Variants in ARL15 observed in about 807,000 individuals in gnomAD.
The protein encoded by ARL15 is ARF like GTPase 15, also known as ADP-ribosylation factor-like protein 15.
Under a neutral mutation model 25.2 loss-of-function variants are expected in ARL15, and 19 were observed. The ratio of observed to expected loss-of-function variants is 0.75; its 90% CI spans 0.53 to 1.10. The LOEUF is 1.10. Ranked by LOEUF, ARL15 falls within the 50% of genes least tolerant of loss-of-function variation. ARL15 has a pLI of 0.00. For synonymous variants in ARL15, 94 were observed against 86.8 expected (o/e 1.08, Z -0.46); for missense variants, 220 against 246.0 (o/e 0.89, Z 0.71).
chr5:54,075,617 G>C (rs1367477175), intron 4 of ARL15: 1 of 152,146 alleles, frequency 6.6e-6, no homozygotes, highest in Admixed American at 6.6e-5. Context: ...CTTCTGAGTA[G>C]CTGGGACCAC....
At chr5:54,165,728 A>T (rs1189799947) in intron 2 of ARL15, among the ~76,000 whole-genome samples, 2 of 138,916 alleles carry the variant, frequency 1.4e-5, no homozygotes, top group Non-Finnish European at 3.1e-5. Flanking sequence ...ATATAAATAT[A>T]TACCTTTGTT....
intron 1 of ARL15, among the ~76,000 whole-genome samples, chr5:54,201,135 A>G (rs1174994510): frequency 6.6e-6 from 1 of 152,024 alleles, no homozygotes; most frequent in Non-Finnish European, 1.5e-5. Context: ...CTTACCAGAG[A>G]GAAGACCAGA....
At chr5:54,229,002 G>A (rs1035063494) in intron 1 of ARL15, among the ~76,000 whole-genome samples, 2 of 152,106 alleles carry the variant, frequency 1.3e-5, no homozygotes, top group African/African-American at 2.4e-5. Context: ...TTTCTGGGGG[G>A]CATCTGGGAC....
At chr5:54,090,328 T>C (rs1440067027) in intron 4 of ARL15, among the ~76,000 whole-genome samples, 4 of 152,056 alleles carry the variant, frequency 2.6e-5, no homozygotes, top group Non-Finnish European at 4.4e-5. Context: ...GAAGAATGCA[T>C]TTAGCATGAT....
At chr5:54,218,776 CA>C (rs1756290778) in intron 1 of ARL15, among the ~76,000 whole-genome samples, 1 of 152,148 alleles carries the variant, frequency 6.6e-6, no homozygotes, top group African/African-American at 2.4e-5. Flanking sequence ...ATGCTTTACA[CA>C]AGTTCTATCA....
intron 4 of ARL15, among the ~76,000 whole-genome samples, chr5:53,947,597 A>T (rs781254795): frequency 1.7e-4 from 26 of 152,204 alleles, no homozygotes; most frequent in Admixed American, 1.3e-4. Flanking sequence ...CTGGGATTGT[A>T]GGATCCCAGC....
chr5:54,167,303 C>T (rs1337183471), intron 2 of ARL15, among the ~76,000 whole-genome samples: 1 of 152,128 alleles, frequency 6.6e-6, no homozygotes, highest in African/African-American at 2.4e-5. Context: ...ATTCTATGAA[C>T]ATTAGCCATC....
At chr5:54,069,617 A>G (rs1405279103) in intron 4 of ARL15, among the ~76,000 whole-genome samples, 1 of 151,162 alleles carries the variant, frequency 6.6e-6, no homozygotes, top group African/African-American at 2.4e-5. Flanking sequence ...TCCCAAATAT[A>G]ACAGCATTAA....
At chr5:53,890,794 A>G (rs945565453) in intron 4 of ARL15, among the ~76,000 whole-genome samples, 2 of 152,218 alleles carry the variant, frequency 1.3e-5, no homozygotes, top group African/African-American at 4.8e-5. Flanking sequence ...TAAAGTCCCA[A>G]TATAACAGAG....
intron 1 of ARL15, among the ~76,000 whole-genome samples, chr5:54,239,085 C>T (rs1179700440): frequency 2.6e-5 from 4 of 152,144 alleles, no homozygotes; most frequent in Admixed American, 6.5e-5. Flanking sequence ...TGTTTGACTC[C>T]ATCCCTCTAG....
chr5:53,886,427 A>G lies in ARL15; in HGVS notation c.*134T>C. The stretch of plus-strand genomic sequence containing the variant: ...CTACAGAATATTCACTTTAATAGAG[A>G]GATGAGAGTCTGAAATGACCAGAGG... On this transcript the variant is annotated 3_prime_UTR_variant, in exon 5 of 5. Transcript: ENST00000504924. 1.1e-6 allele frequency: 1 copy of G among 900,476 alleles called. No individual in the cohort carries two copies. Among genetic ancestry groups the G allele is most frequent in the Non-Finnish European group, 1.6e-6 (1 of 612,076 alleles). The allele number at this position is 900,476 out of a possible 1,614,324, so 55.8% of individuals were successfully genotyped here. A position where few individuals can be genotyped will look rare whatever the true frequency, so the allele number is the denominator to read the frequency against.
chr5:53,896,689 G>A (rs1744885815), intron 4 of ARL15, among the ~76,000 whole-genome samples: 1 of 151,830 alleles, frequency 6.6e-6, no homozygotes, highest in South Asian at 2.1e-4. Context: ...GTAGAGACGG[G>A]GTTTCACTGT....
At chr5:53,962,869 A>AT (rs199780361) in intron 4 of ARL15, among the ~76,000 whole-genome samples, 9 of 151,500 alleles carry the variant, frequency 5.9e-5, no homozygotes, top group East Asian at 1.9e-4. Context: ...TTTTATTTTT[A>AT]TTTTTTTTTA....
chr5:53,981,678 C>T (rs1007238721), intron 4 of ARL15, among the ~76,000 whole-genome samples: 2 of 152,036 alleles, frequency 1.3e-5, no homozygotes, highest in African/African-American at 4.8e-5. Flanking sequence ...GGCGGATCAC[C>T]TGAAGTTGGG....
At chr5:54,136,257 T>G (rs1334703185) in intron 3 of ARL15, among the ~76,000 whole-genome samples, 1 of 152,234 alleles carries the variant, frequency 6.6e-6, no homozygotes, top group African/African-American at 2.4e-5. Flanking sequence ...AATATGCGAT[T>G]TTCTAATCAT....
At chr5:54,211,315 G>A (rs772444141) in intron 1 of ARL15, among the ~76,000 whole-genome samples, 19 of 152,042 alleles carry the variant, frequency 1.2e-4, no homozygotes, top group South Asian at 4.1e-4. Flanking sequence ...CTGTTCTATC[G>A]GTTCAGGTTT....
intron 1 of ARL15, among the ~76,000 whole-genome samples, chr5:54,299,825 G>T (rs539063104): frequency 2.0e-5 from 3 of 152,058 alleles, no homozygotes; most frequent in East Asian, 3.9e-4. Context: ...CTGATCTCGG[G>T]ATACATACAC....
intron 4 of ARL15, among the ~76,000 whole-genome samples, chr5:53,921,697 A>T (rs1032449212): frequency 1.3e-5 from 2 of 152,146 alleles, no homozygotes; most frequent in African/African-American, 4.8e-5. Context: ...ACTTGAACCC[A>T]GGAGGCGGAT....
chr5:54,160,215 C>T (rs1182805876), intron 2 of ARL15, among the ~76,000 whole-genome samples: 1 of 152,222 alleles, frequency 6.6e-6, no homozygotes, highest in Non-Finnish European at 1.5e-5. Flanking sequence ...ATTTAATGTA[C>T]TGGCATTTAT....
Sources: gnomAD v4.1 joint callset for allele counts (sites outside exome capture counted in the v4.1 genomes callset) on GRCh38, gnomAD v4.1.1 for gene constraint, MANE v1.5 for transcripts, NCBI Gene and HGNC (gene_info 2026-07-23, HGNC 2026-07-21) for gene names.